Variants in SHC4 observed in about 807,000 individuals in gnomAD.
The protein encoded by SHC4 is SHC-transforming protein 4.
Under a neutral mutation model 69.4 loss-of-function variants are expected in SHC4, and 41 were observed. The ratio of observed to expected loss-of-function variants is 0.59; its 90% CI spans 0.46 to 0.77. The LOEUF is 0.77. SHC4 is among the 30% of genes least tolerant of loss of function. SHC4 has a pLI of 0.00. For synonymous variants in SHC4, 318 were observed against 299.3 expected (o/e 1.06, Z -0.64); for missense variants, 777 against 783.8 (o/e 0.99, Z 0.10).
chr15:48,931,916 GC>G (rs1391927991), intron 1 of SHC4, among the ~76,000 whole-genome samples: 1 of 151,290 alleles, frequency 6.6e-6, no homozygotes, highest in Admixed American at 6.6e-5. Context: ...GACATACTCT[GC>G]CCCAGAGAAA....
chr15:48,909,716 TA>T (rs1252181369), intron 2 of SHC4, among the ~76,000 whole-genome samples: 9 of 152,186 alleles, frequency 5.9e-5, no homozygotes, highest in Admixed American at 5.9e-4. Context: ...TTTATTAAAT[TA>T]AGGTGTGTCC....
At chr15:48,831,513 C>A (rs750163530) in intron 11 of SHC4, among the ~76,000 whole-genome samples, 1 of 152,160 alleles carries the variant, frequency 6.6e-6, no homozygotes, top group Non-Finnish European at 1.5e-5. Flanking sequence ...TTACAATTGT[C>A]TACAGTATTC....
chr15:48,924,999 C>A, intron 1 of SHC4, 50 bp from the exon 2 acceptor site: 2 of 1,599,550 alleles, frequency 1.3e-6, no homozygotes, highest in Non-Finnish European at 1.7e-6. Flanking sequence ...TTCCAAGAAG[C>A]TGTCTCTTAG....
chr15:48,877,466 A>C (rs1045481546), intron 4 of SHC4: 1 of 983,756 alleles, frequency 1.0e-6, no homozygotes, highest in African/African-American at 1.7e-5. Flanking sequence ...GAAGGTAAAA[A>C]CAGGTAAAAC....
At chr15:48,953,669 T>C (rs1901400338) in intron 1 of SHC4, among the ~76,000 whole-genome samples, 1 of 152,218 alleles carries the variant, frequency 6.6e-6, no homozygotes. Context: ...TATGTTCCTA[T>C]ATTTCCAAAT....
At chr15:48,841,542 G>A (rs1430680661) in intron 10 of SHC4, among the ~76,000 whole-genome samples, 5 of 152,192 alleles carry the variant, frequency 3.3e-5, no homozygotes, top group Non-Finnish European at 5.9e-5. Flanking sequence ...CTTTCCTGGT[G>A]TGGCCCACAT....
At chr15:48,847,649 A>G (rs890610390) in intron 9 of SHC4, among the ~76,000 whole-genome samples, 3 of 152,232 alleles carry the variant, frequency 2.0e-5, no homozygotes, top group Non-Finnish European at 4.4e-5. Flanking sequence ...CATATTTGCT[A>G]TTCTGGCAAC....
intron 8 of SHC4, 47 bp downstream of exon 8, chr15:48,855,906 G>A (rs777830164): frequency 1.3e-6 from 2 of 1,559,564 alleles, no homozygotes; most frequent in African/African-American, 1.4e-5. Context: ...CTAGTGATAA[G>A]GGCAGAATTG....
At chr15:48,856,180 G>A (rs1899310725) in intron 7 of SHC4, 56 bp from the exon 8 acceptor site, 2 of 1,501,336 alleles carry the variant, frequency 1.3e-6, no homozygotes, top group Non-Finnish European at 1.8e-6. Flanking sequence ...ATACTGTAAG[G>A]GATGCAAGGG....
intron 2 of SHC4, among the ~76,000 whole-genome samples, chr15:48,897,068 C>A (rs1366266080): frequency 6.6e-6 from 1 of 152,220 alleles, no homozygotes; most frequent in Non-Finnish European, 1.5e-5. Context: ...CCTGCAGAAC[C>A]TTTTTGGAGC....
At chr15:48,881,420 T>C (rs1201479836) in intron 4 of SHC4, among the ~76,000 whole-genome samples, 2 of 149,514 alleles carry the variant, frequency 1.3e-5, no homozygotes, top group African/African-American at 4.9e-5. Context: ...ATAAGGAAGA[T>C]TCTGTTTGCC....
chr15:48,908,625 T>C (rs7179163), intron 2 of SHC4, among the ~76,000 whole-genome samples: 5,841 of 152,276 alleles, frequency 0.038, 255 homozygotes, highest in East Asian at 0.23. Flanking sequence ...AATCCTTGCC[T>C]AAGCCAAAGT....
At chr15:48,888,670 G>A (rs991704837) in intron 3 of SHC4, among the ~76,000 whole-genome samples, 1 of 152,106 alleles carries the variant, frequency 6.6e-6, no homozygotes, top group Admixed American at 6.6e-5. Context: ...GAGATGGGCA[G>A]ATCACTTGAG....
intron 4 of SHC4, chr15:48,878,496 A>T (rs1899871720): frequency 6.2e-7 from 1 of 1,613,982 alleles, no homozygotes; most frequent in Non-Finnish European, 8.5e-7. Flanking sequence ...GACTGGGAGG[A>T]CGACTACGAC....
chr15:48,945,533 G>T (rs755571478), intron 1 of SHC4, among the ~76,000 whole-genome samples: 4 of 152,148 alleles, frequency 2.6e-5, no homozygotes, highest in Non-Finnish European at 4.4e-5. Flanking sequence ...TATTATACTG[G>T]AATAAAAAGA....
chr15:48,922,545 T>C (rs1900770463), intron 2 of SHC4, among the ~76,000 whole-genome samples: 2 of 152,212 alleles, frequency 1.3e-5, no homozygotes, highest in Non-Finnish European at 2.9e-5. Context: ...CATGCTCCCT[T>C]GCACCTTTTA....
In SHC4 at chr15:48,890,830, A is replaced by T. The variant is rs1321739871; in HGVS notation, c.657-19T>A. 3 of 1,613,672 alleles carry T rather than the reference A, an allele frequency of 1.9e-6. No individual in the cohort carries two copies. The East Asian group carries it at 6.7e-5, about 36-fold the overall frequency. On this transcript the variant is annotated intron_variant, in intron 2 of 11. Transcript: ENST00000332408. ...TGCTTCCCTAAAGAACAGAAACCAT[A>T]TAAATAAAGACTTAGCATACTACCT...
chr15:48,876,525 G>A (rs1899803479), intron 4 of SHC4: 1 of 618,708 alleles, frequency 1.6e-6, no homozygotes. Context: ...ATGTAAAGGG[G>A]AGTTCACTAA....
At chr15:48,907,838 GTGTA>G (rs925689148) in intron 2 of SHC4, among the ~76,000 whole-genome samples, 12 of 113,786 alleles carry the variant, frequency 1.1e-4, no homozygotes, top group African/African-American at 3.4e-4. Flanking sequence ...GTGTGTGTGT[GTGTA>G]TATATATATA....
Sources: allele counts gnomAD v4.1 joint callset (sites outside exome capture counted in the v4.1 genomes callset), GRCh38; gene constraint gnomAD v4.1.1; transcripts MANE v1.5; gene names NCBI Gene and HGNC (gene_info 2026-07-23, HGNC 2026-07-21).